Variants in GAS7 observed in about 807,000 individuals in gnomAD.
The protein encoded by GAS7 is growth arrest specific 7, also known as growth arrest-specific protein 7.
In GAS7, 28 loss-of-function variants were observed where a neutral mutation model predicts 71.1. The observed-to-expected ratio is 0.39, with a 90% CI of 0.29 to 0.54. GAS7 has a LOEUF of 0.54. GAS7 is among the 20% of genes least tolerant of loss of function. GAS7 has a pLI of 0.62. For missense variants in GAS7, 436 were observed against 627.8 expected (o/e 0.69, Z 3.27); for synonymous variants, 258 against 245.8 (o/e 1.05, Z -0.46).
intron 1 of GAS7, among the ~76,000 whole-genome samples, chr17:10,057,062 C>T (rs1228137625): frequency 6.6e-6 from 1 of 152,172 alleles, no homozygotes; most frequent in Non-Finnish European, 1.5e-5. Context: ...TCCCGAGGTG[C>T]CGTGATTGCA....
intron 8 of GAS7, among the ~76,000 whole-genome samples, 162 bp from the exon 9 acceptor site, chr17:9,934,406 C>G (rs1307721431): frequency 6.6e-6 from 1 of 152,110 alleles, no homozygotes. Flanking sequence ...CATCACGTTT[C>G]AACTCACAGA....
chr17:10,015,554 C>T (rs2071959881), intron 2 of GAS7, among the ~76,000 whole-genome samples: 1 of 152,278 alleles, frequency 6.6e-6, no homozygotes. Flanking sequence ...GTAAGAAAAA[C>T]ATGAGTGGCT....
intron 1 of GAS7, among the ~76,000 whole-genome samples, chr17:10,051,443 T>C (rs1316697197): frequency 6.6e-6 from 1 of 152,216 alleles, no homozygotes; most frequent in African/African-American, 2.4e-5. Context: ...TTCTCATCAA[T>C]GGCTTTGCGG....
chr17:9,939,413 A>T (rs1446131305), intron 8 of GAS7, among the ~76,000 whole-genome samples: 2 of 152,086 alleles, frequency 1.3e-5, no homozygotes, highest in Non-Finnish European at 2.9e-5. Context: ...CCCACAGGAG[A>T]GAGCTCCAGA....
chr17:10,036,704 G>A lies in GAS7; in HGVS notation c.184-16807C>T, dbSNP rs17208387. ...TCCAAATCCGCTCCAGTGCTTGCTG[G>A]GAAATTAACAACTTGTTCTGGACTT... is the stretch of plus-strand genomic sequence containing the variant. On this transcript the variant is annotated intron_variant, in intron 1 of 13. Coordinates refer to ENST00000432992, the MANE Select transcript of GAS7 (RefSeq NM_201433.2). The A allele has an allele frequency of 4.2e-3, 5,471 of 1,289,810 alleles. 198 individuals are homozygous for A. In the East Asian group the frequency reaches 0.093, roughly 22 times the overall value. 79.9% of individuals were successfully genotyped at this position (1,289,810 alleles called of 1,614,324 possible). A position where few individuals can be genotyped will look rare whatever the true frequency, so the allele number is the denominator to read the frequency against.
intron 2 of GAS7, among the ~76,000 whole-genome samples, chr17:9,982,248 TCTC>T (rs1319761443): frequency 3.9e-5 from 6 of 152,142 alleles, no homozygotes; most frequent in African/African-American, 1.4e-4. Context: ...TCTGGACTCT[TCTC>T]CTGGAACCCT....
At chr17:10,022,369 CCTT>C (rs1372796001) in intron 1 of GAS7, among the ~76,000 whole-genome samples, 2 of 152,164 alleles carry the variant, frequency 1.3e-5, no homozygotes, top group Admixed American at 6.5e-5. Flanking sequence ...TCTAGTTTCT[CCTT>C]CAATCAAACA....
At chr17:10,005,267 GTATGTA>G (rs1027820590) in intron 2 of GAS7, among the ~76,000 whole-genome samples, 3 of 150,804 alleles carry the variant, frequency 2.0e-5, no homozygotes, top group Non-Finnish European at 4.4e-5. Flanking sequence ...ACACATACAT[GTATGTA>G]TATGTATATA....
intron 1 of GAS7, among the ~76,000 whole-genome samples, chr17:10,107,960 G>T (rs1039280233): frequency 6.6e-6 from 1 of 152,082 alleles, no homozygotes; most frequent in Non-Finnish European, 1.5e-5. Context: ...GTGGGAGCTG[G>T]GCAGGAGAAC....
At chr17:9,961,994 G>A (rs16959089) in intron 4 of GAS7, among the ~76,000 whole-genome samples, 17,983 of 152,122 alleles carry the variant, frequency 0.12, 2,915 homozygotes, top group African/African-American at 0.36. Context: ...TGTAGAATAA[G>A]GCTTGACGCA....
chr17:9,935,943 G>A (rs376631079), intron 8 of GAS7, among the ~76,000 whole-genome samples: 18 of 152,238 alleles, frequency 1.2e-4, no homozygotes, highest in African/African-American at 4.3e-4. Flanking sequence ...AGGGGTGGCA[G>A]GAGTAGTCCT....
At chr17:10,038,294 A>C (rs1319491914) in intron 1 of GAS7, among the ~76,000 whole-genome samples, 3 of 152,106 alleles carry the variant, frequency 2.0e-5, no homozygotes, top group Admixed American at 2.0e-4. Context: ...GGGTGCAGTG[A>C]GCTAGGATCA....
chr17:10,171,322 G>A (rs1346433840), intron 1 of GAS7, among the ~76,000 whole-genome samples: 1 of 152,118 alleles, frequency 6.6e-6, no homozygotes, highest in Non-Finnish European at 1.5e-5. Flanking sequence ...GTCCAAGCAG[G>A]GCTCTGACAG....
At chr17:10,070,181 T>C (rs1156861012) in intron 1 of GAS7, among the ~76,000 whole-genome samples, 2 of 151,908 alleles carry the variant, frequency 1.3e-5, no homozygotes, top group Non-Finnish European at 2.9e-5. Flanking sequence ...ACCCCACTCC[T>C]CTATCCCCAG....
In GAS7 at chr17:10,034,333, C is replaced by T; in HGVS notation, c.184-14436G>A. The T allele has an allele frequency of 2.0e-6, 1 of 496,372 alleles. No homozygotes were observed. Among genetic ancestry groups the T allele is most frequent in the Middle Eastern group, 1.1e-3 (1 of 952 alleles). 30.7% of individuals were successfully genotyped at this position (496,372 alleles called of 1,614,324 possible). ...AATAATTCTTTTTTTTTTTTTTAGA[C>T]AGTCTTGCTGTGTCACCCAGGCTGG... is the stretch of plus-strand genomic sequence containing the variant. On this transcript the variant is annotated intron_variant, in intron 1 of 13. Transcript: ENST00000432992. The surrounding 1 kb of genome is among the most constrained non-coding windows in gnomAD (Gnocchi z 4.4).
chr17:10,026,625 C>T lies in GAS7; in HGVS notation c.184-6728G>A, dbSNP rs1249850250. The stretch of plus-strand genomic sequence containing the variant: ...TGGCCCCACTGCCAGCTCTGCACTC[C>T]TCAGGGAGTCAACCAATTACTAATG... On this transcript the variant is annotated intron_variant, in intron 1 of 13. Transcript: ENST00000432992. The surrounding 1 kb of genome is among the most constrained non-coding windows in gnomAD (Gnocchi z 4.5). Among the ~76,000 whole-genome samples, 3 of 152,174 alleles carry T rather than the reference C, an allele frequency of 2.0e-5. No individual in the cohort carries two copies. The highest frequency in any genetic ancestry group is 4.4e-5 in the Non-Finnish European group (3 of 68,030).
chr17:9,954,174 G>A (rs770921668), intron 5 of GAS7, among the ~76,000 whole-genome samples: 2 of 152,158 alleles, frequency 1.3e-5, no homozygotes, highest in African/African-American at 2.4e-5. Flanking sequence ...CGCGTTGCTC[G>A]GTTTGGCTGA....
At chr17:10,150,840 C>T (rs1481530161) in intron 1 of GAS7, among the ~76,000 whole-genome samples, 2 of 152,102 alleles carry the variant, frequency 1.3e-5, no homozygotes, top group African/African-American at 4.8e-5. Flanking sequence ...CCACCCACCT[C>T]GGCCTCCCAA....
intron 3 of GAS7, among the ~76,000 whole-genome samples, chr17:9,980,726 G>T (rs1465658857): frequency 6.6e-6 from 1 of 152,194 alleles, no homozygotes; most frequent in Non-Finnish European, 1.5e-5. Flanking sequence ...CACCCTCAGG[G>T]AGCTTACAGT....
Sources: allele counts gnomAD v4.1 joint callset (sites outside exome capture counted in the v4.1 genomes callset), GRCh38; gene constraint gnomAD v4.1.1; non-coding constraint Gnocchi (gnomAD v3.1); transcripts MANE v1.5; gene names NCBI Gene and HGNC (gene_info 2026-07-23, HGNC 2026-07-21).